SOX6: variants seen among roughly 807,000 people sequenced by gnomAD.
The protein encoded by SOX6 is SRY-box transcription factor 6.
Under a neutral mutation model 97.8 loss-of-function variants are expected in SOX6, and 11 were observed. That is an observed-to-expected ratio of 0.11 (90% CI 0.07 to 0.19). The LOEUF (loss-of-function observed/expected upper bound fraction) is 0.19, where lower values mean the gene tolerates loss of function less well. Ranked by LOEUF, SOX6 falls within the 10% of genes least tolerant of loss-of-function variation. The pLI, the probability that SOX6 is intolerant of heterozygous loss-of-function variation, is 1.00. For missense variants in SOX6, 810 were observed against 1,039.5 expected (o/e 0.78, Z 3.04); for synonymous variants, 360 against 371.4 (o/e 0.97, Z 0.35).
chr11:16,690,052 G>A (rs938808183), intron 3 of SOX6, among the ~76,000 whole-genome samples: 1 of 151,894 alleles, frequency 6.6e-6, no homozygotes, highest in Admixed American at 6.6e-5. Context: ...AGCCTCCCGA[G>A]TATCTGGGAT....
intron 4 of SOX6, among the ~76,000 whole-genome samples, chr11:16,202,129 A>G (rs898987542): frequency 6.6e-6 from 1 of 152,176 alleles, no homozygotes; most frequent in African/African-American, 2.4e-5. Context: ...TGAGAGTATT[A>G]AAATATCTAA....
intron 4 of SOX6, among the ~76,000 whole-genome samples, chr11:16,590,811 T>A (rs1263128034): frequency 1.3e-5 from 2 of 151,652 alleles, no homozygotes; most frequent in African/African-American, 4.8e-5. Flanking sequence ...CTGGGAAGGG[T>A]AGTCAGGGAG....
intron 12 of SOX6, among the ~76,000 whole-genome samples, chr11:16,017,196 C>A (rs1854911162): frequency 6.6e-6 from 1 of 151,740 alleles, no homozygotes. Context: ...TTAATCATAA[C>A]AAAAAACATT....
intron 15 of SOX6, among the ~76,000 whole-genome samples, chr11:15,979,150 C>T (rs761890859): frequency 1.5e-4 from 23 of 149,778 alleles, no homozygotes; most frequent in Non-Finnish European, 2.8e-4. Context: ...CTCCCACATA[C>T]CTGCCCCTCT....
At chr11:16,683,939 A>T (rs933532764) in intron 3 of SOX6, among the ~76,000 whole-genome samples, 67 of 152,228 alleles carry the variant, frequency 4.4e-4, no homozygotes, top group African/African-American at 1.6e-3. Flanking sequence ...ATGAACAGAC[A>T]CTTCTCAAAA....
chr11:16,436,974 T>C (rs1590203100), intron 1 of SOX6, among the ~76,000 whole-genome samples: 1 of 152,086 alleles, frequency 6.6e-6, no homozygotes, highest in South Asian at 2.1e-4. Context: ...TGTAAGGGCC[T>C]GGCCAACTGT....
chr11:16,579,114 T>C (rs59752601), intron 4 of SOX6, among the ~76,000 whole-genome samples: 2,121 of 152,198 alleles, frequency 0.014, 41 homozygotes, highest in East Asian at 0.052. Flanking sequence ...CATTTACATA[T>C]GCTTTTTAAT....
At chr11:16,464,069 T>C (rs1859983496) in intron 1 of SOX6, among the ~76,000 whole-genome samples, 2 of 152,170 alleles carry the variant, frequency 1.3e-5, no homozygotes, top group South Asian at 4.1e-4. Context: ...GAGATCTTTC[T>C]AAAAAATTTA....
chr11:16,380,978 G>C (rs1014066552), intron 1 of SOX6, among the ~76,000 whole-genome samples: 1 of 149,190 alleles, frequency 6.7e-6, no homozygotes, highest in Non-Finnish European at 1.5e-5. Flanking sequence ...ATCTCTCCAA[G>C]TTTTAGATTC....
rs116220746 is a variant in SOX6 at position 16,669,934 on chromosome 11, A to C, written n.429+44896T>G. ...TCTGCCACTACAGTTGCAGTCATAC[A>C]ACCTAACAACCCTCAAACTAGGAAG... On this transcript the variant is annotated intron_variant and non_coding_transcript_variant, in intron 3 of 5. Coordinates refer to the SOX6 transcript ENST00000524520. Among the ~76,000 whole-genome samples, 1,077 of 152,116 alleles carry C rather than the reference A, an allele frequency of 7.1e-3. 14 individuals are homozygous for C. The highest frequency in any genetic ancestry group is 0.023 in the African/African-American group (972 of 41,492).
chr11:16,424,814 T>C (rs1414083124), intron 1 of SOX6, among the ~76,000 whole-genome samples: 1 of 152,222 alleles, frequency 6.6e-6, no homozygotes, highest in Admixed American at 6.5e-5. Context: ...CCACAAGCCA[T>C]ATGGCTCTGG....
At chr11:16,239,631 C>A (rs1254822682) in intron 3 of SOX6, among the ~76,000 whole-genome samples, 2 of 151,958 alleles carry the variant, frequency 1.3e-5, no homozygotes, top group Non-Finnish European at 2.9e-5. Context: ...TACTATATTC[C>A]GTCCTATTTT....
At chr11:16,471,079 G>A (rs1030985418) in intron 1 of SOX6, among the ~76,000 whole-genome samples, 10 of 150,866 alleles carry the variant, frequency 6.6e-5, no homozygotes, top group African/African-American at 1.5e-4. Context: ...AACTATGTCC[G>A]ATTTTTTTTT....
At chr11:16,704,803 C>A (rs1393369441) in intron 3 of SOX6, among the ~76,000 whole-genome samples, 3 of 152,048 alleles carry the variant, frequency 2.0e-5, no homozygotes, top group Non-Finnish European at 4.4e-5. Flanking sequence ...AACTAGGTTA[C>A]CTTCTGGATA....
intron 5 of SOX6, among the ~76,000 whole-genome samples, chr11:16,185,268 T>A (rs748521156): frequency 1.3e-5 from 2 of 152,180 alleles, no homozygotes; most frequent in African/African-American, 2.4e-5. Context: ...TAGTATTTAA[T>A]CAGGTTGGGA....
intron 3 of SOX6, chr11:16,318,030 T>C (rs757008018): frequency 7.1e-6 from 3 of 422,448 alleles, no homozygotes; most frequent in East Asian, 7.2e-5. Context: ...AAATAATATA[T>C]TTATAAAAAT....
At chr11:16,615,349 C>T (rs753295251) in intron 3 of SOX6, among the ~76,000 whole-genome samples, 5 of 152,148 alleles carry the variant, frequency 3.3e-5, no homozygotes, top group Non-Finnish European at 7.3e-5. Flanking sequence ...TTTTGCCATA[C>T]ATAATCCTGG....
intron 3 of SOX6, among the ~76,000 whole-genome samples, chr11:16,304,308 A>T (rs888627809): frequency 5.9e-5 from 9 of 152,156 alleles, no homozygotes; most frequent in Admixed American, 1.3e-4. Context: ...CCAGTACCCA[A>T]TGTGGTAGTA....
At chr11:16,136,894 C>T (rs1849980567) in intron 6 of SOX6, among the ~76,000 whole-genome samples, 1 of 152,172 alleles carries the variant, frequency 6.6e-6, no homozygotes, top group South Asian at 2.1e-4. Flanking sequence ...CAATTTTCAT[C>T]AACATGTATT....
Sources: gnomAD v4.1 joint callset for allele counts (sites outside exome capture counted in the v4.1 genomes callset) on GRCh38, gnomAD v4.1.1 for gene constraint, MANE v1.5 for transcripts, NCBI Gene and HGNC (gene_info 2026-07-23, HGNC 2026-07-21) for gene names.